Variants in TJP1 observed in about 807,000 individuals in gnomAD.
TJP1 encodes the protein tight junction protein ZO-1.
Under a neutral mutation model 194.2 loss-of-function variants are expected in TJP1, and 43 were observed. That is an observed-to-expected ratio of 0.22 (90% CI 0.17 to 0.29). TJP1 has a LOEUF of 0.29. Among genes scored for constraint, TJP1 ranks in the 10% least tolerant of loss-of-function variants. The pLI is 1.00. For synonymous variants in TJP1, 801 were observed against 779.0 expected, an observed-to-expected ratio of 1.03 and a Z score of -0.47; for missense variants, 1,971 against 2,185.7, an observed-to-expected ratio of 0.90 and a Z score of 1.96.
At chr15:29,882,203 G>C (rs756199283) in intron 2 of TJP1, among the ~76,000 whole-genome samples, 1 of 152,066 alleles carries the variant, frequency 6.6e-6, no homozygotes, top group Non-Finnish European at 1.5e-5. Context: ...CCCTTCATCA[G>C]CACACTTACC....
At chr15:29,753,822 G>GAAAAAAAAAAAAAA (rs59926060) in intron 8 of TJP1, among the ~76,000 whole-genome samples, 2 of 68,346 alleles carry the variant, frequency 2.9e-5, no homozygotes, top group African/African-American at 5.4e-5. Flanking sequence ...AAGGGAAACA[G>GAAAAAAAAAAAAAA]AAAAAAAAAA....
intron 24 of TJP1, among the ~76,000 whole-genome samples, chr15:29,709,278 G>T (rs1444181219): frequency 6.6e-6 from 1 of 152,062 alleles, no homozygotes; most frequent in Non-Finnish European, 1.5e-5. Flanking sequence ...AAGATTCCTG[G>T]CCTCCAAAGA....
chr15:29,700,149 C>A (rs1391369466), downstream of TJP1: 1 of 397,732 alleles, frequency 2.5e-6, no homozygotes. Context: ...ACCAAGCCAG[C>A]ACTTTATTTT....
At chr15:29,705,495 A>T (rs538201229) in intron 26 of TJP1, 33 bp downstream of exon 26, 1 of 1,607,110 alleles carries the variant, frequency 6.2e-7, no homozygotes, top group East Asian at 2.2e-5. Flanking sequence ...CTCTTAAGTT[A>T]TCAAAACTAA....
intron 2 of TJP1, among the ~76,000 whole-genome samples, chr15:29,903,884 A>C (rs1360621176): frequency 6.6e-6 from 1 of 152,230 alleles, no homozygotes; most frequent in Non-Finnish European, 1.5e-5. Context: ...GCTTGTAAAA[A>C]TCCAAATAAA....
intron 2 of TJP1, among the ~76,000 whole-genome samples, chr15:29,831,586 A>C (rs1436854248): frequency 1.3e-5 from 2 of 152,148 alleles, no homozygotes; most frequent in African/African-American, 4.8e-5. Flanking sequence ...CAAGTTAATA[A>C]AAAAGAAAAG....
At chr15:29,838,757 C>T (rs1037226581) in intron 2 of TJP1, among the ~76,000 whole-genome samples, 1 of 152,072 alleles carries the variant, frequency 6.6e-6, no homozygotes, top group African/African-American at 2.4e-5. Flanking sequence ...TTACTCCTTA[C>T]AGCCTACACC....
At chr15:29,962,224 T>C (rs2056188534) in intron 1 of TJP1, among the ~76,000 whole-genome samples, 1 of 152,228 alleles carries the variant, frequency 6.6e-6, no homozygotes, top group South Asian at 2.1e-4. Context: ...TCTGCTGGAA[T>C]GCTTTTCTAC....
chr15:29,722,594 A>T (rs1475047857), intron 18 of TJP1, among the ~76,000 whole-genome samples: 1 of 152,122 alleles, frequency 6.6e-6, no homozygotes, highest in Non-Finnish European at 1.5e-5. Flanking sequence ...GGCAGTGTGG[A>T]GGGGAAATGT....
chr15:29,949,744 C>T (rs2055564029), intron 2 of TJP1, among the ~76,000 whole-genome samples: 1 of 123,014 alleles, frequency 8.1e-6, no homozygotes, highest in African/African-American at 2.8e-5. Context: ...CCACCACCAC[C>T]ACCTCCACTT....
At chr15:29,857,071 A>G (rs2051884081) in intron 2 of TJP1, among the ~76,000 whole-genome samples, 1 of 152,198 alleles carries the variant, frequency 6.6e-6, no homozygotes, top group African/African-American at 2.4e-5. Context: ...GAACTTGAAC[A>G]TCCATGGATT....
intron 2 of TJP1, among the ~76,000 whole-genome samples, chr15:29,791,549 T>C (rs1475216701): frequency 6.7e-6 from 1 of 148,180 alleles, no homozygotes; most frequent in Non-Finnish European, 1.5e-5. Context: ...GCCTCGCGAG[T>C]AGCTGGGACT....
At chr15:29,901,316 T>C (rs145050468) in intron 2 of TJP1, among the ~76,000 whole-genome samples, 2,897 of 152,356 alleles carry the variant, frequency 0.019, 46 homozygotes, top group Non-Finnish European at 0.028. Flanking sequence ...TTTGTTTGAC[T>C]GTTCCTGCTT....
intron 2 of TJP1, among the ~76,000 whole-genome samples, chr15:29,934,390 C>CCCATGTTGA (rs1449378296): frequency 6.6e-6 from 1 of 152,198 alleles, no homozygotes; most frequent in East Asian, 1.9e-4. Context: ...TTTTCCTACA[C>CCCATGTTGA]ATCTGTGATT....
intron 1 of TJP1, chr15:29,968,381 CG>C (rs1230989198): frequency 1.0e-6 from 1 of 985,230 alleles, no homozygotes; most frequent in East Asian, 1.1e-4. Flanking sequence ...CGCCCGGGTG[CG>C]GGTGCCAGGC....
chr15:29,717,371 CT>C (rs532845707), intron 22 of TJP1, among the ~76,000 whole-genome samples: 110 of 152,272 alleles, frequency 7.2e-4, no homozygotes, highest in African/African-American at 2.3e-3. Context: ...CTTCTTTATC[CT>C]AAGTGCAAAC....
chr15:29,782,783 T>C (rs1382834666), intron 2 of TJP1, among the ~76,000 whole-genome samples: 1 of 150,852 alleles, frequency 6.6e-6, no homozygotes, highest in Non-Finnish European at 1.5e-5. Flanking sequence ...AGAAAACATC[T>C]GCAAACTATG....
intron 2 of TJP1, among the ~76,000 whole-genome samples, chr15:29,848,338 A>T (rs2152077632): frequency 1.3e-5 from 2 of 152,262 alleles, no homozygotes; most frequent in Admixed American, 1.3e-4. Context: ...GGGCTTGTCT[A>T]GGTCTCTTTA....
chr15:29,822,502 C>G, upstream of TJP1: 1 of 983,920 alleles, frequency 1.0e-6, no homozygotes, highest in Non-Finnish European at 1.2e-6. Flanking sequence ...TGAGCATGCC[C>G]GGCCCGGCGG....
Sources: allele counts gnomAD v4.1 joint callset (sites outside exome capture counted in the v4.1 genomes callset), GRCh38; gene constraint gnomAD v4.1.1; transcripts MANE v1.5; gene names NCBI Gene and HGNC (gene_info 2026-07-23, HGNC 2026-07-21).